Variants in FOXD4L3 observed in about 807,000 individuals in gnomAD.
The protein encoded by FOXD4L3 is forkhead box D4 like 3, also known as forkhead box protein D4-like 3.
For missense variants in FOXD4L3, 44 were observed against 545.5 expected, an observed-to-expected ratio of 0.08 and a Z score of 9.16; for synonymous variants, 26 against 242.4, an observed-to-expected ratio of 0.11 and a Z score of 8.29.
At position 68,304,025 on chromosome 9, in the gene FOXD4L3, C is replaced by T. The variant is rs1554670945; in HGVS notation, c.1074C>T (p.Asp358=). The T allele has an allele frequency of 3.1e-6, 5 of 1,611,898 alleles. No homozygotes were observed. Among genetic ancestry groups the T allele is most frequent in the East Asian group, 2.2e-5 (1 of 44,872 alleles). The change falls in exon 1 of 1, where the codon GAC becomes GAT. Residue 358 remains aspartate (D), a synonymous_variant. Coordinates refer to ENST00000342833, the MANE Select transcript of FOXD4L3 (RefSeq NM_199135.4). ...PRGATATCSS[D]HQACCIPRPL... ...GAGCTACTGCCACCTGCTCCAGCGA[C>T]CATCAAGCCTGTTGCATCCCCAGAC...
rs1428228503 is a variant in FOXD4L3 at position 68,304,211 on chromosome 9, C to G, written c.*6C>G. 2 of 1,537,466 alleles carry G rather than the reference C, an allele frequency of 1.3e-6. No homozygotes were observed. Among genetic ancestry groups the G allele is most frequent in the Non-Finnish European group, 1.8e-6 (2 of 1,136,342 alleles). ...GGCCTCGTCGGCCCTGCTGAGGTAT[C>G]AGGCAGTGGCAGAGGGCTCTAGGCT... On this transcript the variant is annotated 3_prime_UTR_variant, in exon 1 of 1. Coordinates refer to ENST00000342833, the MANE Select transcript of FOXD4L3 (RefSeq NM_199135.4).
rs578080489 is a variant in FOXD4L3, at chr9:68,304,481, G to A, written c.*276G>A. 3.6e-4 allele frequency: 233 copies of A among 651,514 alleles called. No individual in the cohort carries two copies. The South Asian group carries it at 4.2e-3, about 12-fold the overall frequency. The allele number at this position is 651,514 out of a possible 1,614,324, so 40.4% of individuals were successfully genotyped here. A position where few individuals can be genotyped will look rare whatever the true frequency, so the allele number is the denominator to read the frequency against. ...GGTTAGAAAGAAACAGCTGGATTAC[G>A]TTCCTCTAAAAACCACCTGAACGTA... On this transcript the variant is annotated 3_prime_UTR_variant, in exon 1 of 1. Transcript: ENST00000342833.
rs1400797334 is a variant in FOXD4L3 at position 68,304,487 on chromosome 9, C to G, written c.*282C>G. 14 of 639,486 alleles carry G rather than the reference C, an allele frequency of 2.2e-5. No individual in the cohort carries two copies. The highest frequency in any genetic ancestry group is 3.7e-5 in the Non-Finnish European group (13 of 351,194). 39.6% of individuals were successfully genotyped at this position (639,486 alleles called of 1,614,324 possible). The stretch of plus-strand genomic sequence containing the variant: ...AAAGAAACAGCTGGATTACGTTCCT[C>G]TAAAAACCACCTGAACGTAACCTTC... On this transcript the variant is annotated 3_prime_UTR_variant, in exon 1 of 1. Coordinates refer to ENST00000342833, the MANE Select transcript of FOXD4L3 (RefSeq NM_199135.4).
chr9:68,302,932 A>G lies in FOXD4L3; in HGVS notation c.-20A>G. On this transcript the variant is annotated 5_prime_UTR_variant, in exon 1 of 1. Transcript: ENST00000342833. ...GTGATCGGCCGCCACATCCCCTGCG[A>G]CTGAAGCACCTGCTCCTCCATGAAC... 6.2e-7 allele frequency: 1 copy of G among 1,612,104 alleles called. No homozygotes were observed. The highest frequency in any genetic ancestry group is 1.1e-5 in the South Asian group (1 of 90,994).
In FOXD4L3 at chr9:68,304,422, G is replaced by C. The variant is rs1833721240; in HGVS notation, c.*217G>C. 3 of 1,449,788 alleles carry C rather than the reference G, an allele frequency of 2.1e-6. No individual in the cohort carries two copies. In the South Asian group the frequency reaches 4.1e-5, roughly 20 times the overall value. The allele number at this position is 1,449,788 out of a possible 1,614,324, so 89.8% of individuals were successfully genotyped here. A position where few individuals can be genotyped will look rare whatever the true frequency, so the allele number is the denominator to read the frequency against. On this transcript the variant is annotated 3_prime_UTR_variant, in exon 1 of 1. Transcript: ENST00000342833. ...GGGCGTGTGCATCTGAATCCCGCTG[G>C]AGAGCAAACACGAACTTCTGTTCGC...
chr9:68,304,203 T>C lies in FOXD4L3; in HGVS notation c.1252T>C (p.Ter418ArgextTer11), dbSNP rs1371504201. ...CACCTGTCGGCCTCGTCGGCCCTGC[T>C]GAGGTATCAGGCAGTGGCAGAGGGC... ...AGTCRPRRPC[*>R] The change falls in exon 1 of 1, where the codon TGA becomes CGA. Residue 418 changes from the stop codon to arginine (R), a stop_lost. Transcript: ENST00000342833. 6.4e-7 allele frequency: 1 copy of C among 1,551,574 alleles called. No individual in the cohort carries two copies. Among genetic ancestry groups the C allele is most frequent in the Non-Finnish European group, 8.7e-7 (1 of 1,144,318 alleles).
chr9:68,303,947 G>C lies in FOXD4L3; in HGVS notation c.996G>C (p.Lys332Asn). Residue 332 changes from lysine (K) to asparagine (N), a missense_variant, in exon 1 of 1, where the codon AAG becomes AAC. Coordinates refer to ENST00000342833, the MANE Select transcript of FOXD4L3 (RefSeq NM_199135.4). ...ASLSALRVLC[K>N]GSGERVQGLR... ...TTTCAGCATTGAGAGTATTATGCAA[G>C]GGGTCAGGGGAGCGGGTACAGGGGC... 2.5e-6 allele frequency: 4 copies of C among 1,611,788 alleles called. No homozygotes were observed. The highest frequency in any genetic ancestry group is 2.5e-6 in the Non-Finnish European group (3 of 1,179,808).
chr9:68,304,145 T>G lies in FOXD4L3; in HGVS notation c.1194T>G (p.Ala398=). The G allele has an allele frequency of 6.2e-7, 1 of 1,602,562 alleles. No homozygotes were observed. Reference sequence around the variant, plus strand: ...TCAGGAGGAGGACTGCGCCAACGGCTGCGCTCCCACCAAGGGCGCGGTGCT... The same window carrying G: ...TCAGGAGGAGGACTGCGCCAACGGCGGCGCTCCCACCAAGGGCGCGGTGCT... ...SSIRRRTAPT[A]ALPPRARCWA... The change falls in exon 1 of 1, where the codon GCT becomes GCG. Residue 398 remains alanine, a synonymous_variant. Coordinates refer to ENST00000342833, the MANE Select transcript of FOXD4L3 (RefSeq NM_199135.4).
In FOXD4L3 at chr9:68,304,420, T is replaced by C. The variant is rs1353757725; in HGVS notation, c.*215T>C. 50 of 1,463,192 alleles carry C rather than the reference T, an allele frequency of 3.4e-5. No homozygotes were observed. The highest frequency in any genetic ancestry group is 4.6e-5 in the Non-Finnish European group (50 of 1,088,438). The allele number at this position is 1,463,192 out of a possible 1,614,324, so 90.6% of individuals were successfully genotyped here. On this transcript the variant is annotated 3_prime_UTR_variant, in exon 1 of 1. Transcript: ENST00000342833. ...CTGGGCGTGTGCATCTGAATCCCGC[T>C]GGAGAGCAAACACGAACTTCTGTTC...
In FOXD4L3 at chr9:68,304,921, AT is replaced by A. The variant is rs1457132214; in HGVS notation, c.*718del. 2 of 168,266 alleles carry A rather than the reference AT, an allele frequency of 1.2e-5. No individual in the cohort carries two copies. The highest frequency in any genetic ancestry group is 2.1e-4 in the South Asian group (1 of 4,872). 10.4% of individuals were successfully genotyped at this position (168,266 alleles called of 1,614,324 possible). A position where few individuals can be genotyped will look rare whatever the true frequency, so the allele number is the denominator to read the frequency against. Reference sequence around the variant, plus strand: ...CACTACACTACATCGTTTATTTTCTATTACATCTCATTCTTCCCTTTCTAAA... The same window carrying A: ...CACTACACTACATCGTTTATTTTCTATACATCTCATTCTTCCCTTTCTAAA... On this transcript the variant is annotated 3_prime_UTR_variant, in exon 1 of 1. Coordinates refer to ENST00000342833, the MANE Select transcript of FOXD4L3 (RefSeq NM_199135.4).
In FOXD4L3 at chr9:68,304,413, A is replaced by T. The variant is rs1833720948; in HGVS notation, c.*208A>T. The T allele has an allele frequency of 6.7e-6, 10 of 1,482,974 alleles. No homozygotes were observed. Among genetic ancestry groups the T allele is most frequent in the Non-Finnish European group, 9.0e-6 (10 of 1,106,120 alleles). The allele number at this position is 1,482,974 out of a possible 1,614,324, so 91.9% of individuals were successfully genotyped here. On this transcript the variant is annotated 3_prime_UTR_variant, in exon 1 of 1. Transcript: ENST00000342833. ...GCCCATACTGGGCGTGTGCATCTGA[A>T]TCCCGCTGGAGAGCAAACACGAACT... is the stretch of plus-strand genomic sequence containing the variant.
In FOXD4L3 at chr9:68,304,360, C is replaced by T. The variant is rs370692831; in HGVS notation, c.*155C>T. 3.5e-6 allele frequency: 5 copies of T among 1,421,950 alleles called. No individual in the cohort carries two copies. The Admixed American group carries it at 9.7e-5, about 27-fold the overall frequency. 88.1% of individuals were successfully genotyped at this position (1,421,950 alleles called of 1,614,324 possible). A position where few individuals can be genotyped will look rare whatever the true frequency, so the allele number is the denominator to read the frequency against. On this transcript the variant is annotated 3_prime_UTR_variant, in exon 1 of 1. Coordinates refer to ENST00000342833, the MANE Select transcript of FOXD4L3 (RefSeq NM_199135.4). ...AGAGCCAGGTGGGAGTGGGGAGCGA[C>T]CCGCAGCTGCTCACTCCACCTTGCG...
chr9:68,303,929 A>G lies in FOXD4L3; in HGVS notation c.978A>G (p.Ala326=). The G allele has an allele frequency of 3.7e-6, 6 of 1,611,134 alleles. No individual in the cohort carries two copies. The highest frequency in any genetic ancestry group is 3.4e-6 in the Non-Finnish European group (4 of 1,179,644). ...GGGAGGCGGATGCATCTCTTTCAGC[A>G]TTGAGAGTATTATGCAAGGGGTCAG... ...RHREADASLS[A]LRVLCKGSGE... The change falls in exon 1 of 1, where the codon GCA becomes GCG. Residue 326 remains alanine (A), a synonymous_variant. Coordinates refer to ENST00000342833, the MANE Select transcript of FOXD4L3 (RefSeq NM_199135.4).
rs200584126 is a variant in FOXD4L3 at position 68,304,384 on chromosome 9, C to G, written c.*179C>G. ...ACCCGCAGCTGCTCACTCCACCTTG[C>G]GCGGCCCATACTGGGCGTGTGCATC... On this transcript the variant is annotated 3_prime_UTR_variant, in exon 1 of 1. Transcript: ENST00000342833. 2.9e-3 allele frequency: 4,370 copies of G among 1,522,192 alleles called. No homozygotes were observed. Among genetic ancestry groups the G allele is most frequent in the Non-Finnish European group, 3.5e-3 (3,924 of 1,137,092 alleles). The allele number at this position is 1,522,192 out of a possible 1,614,324, so 94.3% of individuals were successfully genotyped here. A position where few individuals can be genotyped will look rare whatever the true frequency, so the allele number is the denominator to read the frequency against.
At position 68,304,029 on chromosome 9, in the gene FOXD4L3, C is replaced by A. The variant is rs1833710379; in HGVS notation, c.1078C>A (p.Gln360Lys). 2.5e-6 allele frequency: 4 copies of A among 1,611,928 alleles called. No individual in the cohort carries two copies. Among genetic ancestry groups the A allele is most frequent in the Non-Finnish European group, 3.4e-6 (4 of 1,179,834 alleles). Residue 360 changes from glutamine (Q) to lysine (K), a missense_variant, in exon 1 of 1, where the codon CAA becomes AAA. Physicochemically the swap from Gln to Lys is moderately conservative, Grantham distance 53 (BLOSUM62 1). Transcript: ENST00000342833. ...TACTGCCACCTGCTCCAGCGACCAT[C>A]AAGCCTGTTGCATCCCCAGACCGCT... is the stretch of plus-strand genomic sequence containing the variant. ...GATATCSSDH[Q>K]ACCIPRPLPL...
At position 68,303,532 on chromosome 9, in the gene FOXD4L3, A is replaced by T; in HGVS notation, c.581A>T (p.Asn194Ile). The T allele has an allele frequency of 6.4e-7, 1 of 1,570,268 alleles. No homozygotes were observed. The highest frequency in any genetic ancestry group is 8.6e-7 in the Non-Finnish European group (1 of 1,168,374). Residue 194 changes from asparagine to isoleucine, a missense_variant, in exon 1 of 1, where the codon AAT (asparagine) becomes ATT (isoleucine). Transcript: ENST00000342833. ...LDPASQDMFD[N>I]GSFLRRRKRF... ...CCCGCCTCCCAAGACATGTTCGACA[A>T]TGGCAGCTTTCTCCGGCGTAGGAAG...
chr9:68,304,127 G>A lies in FOXD4L3; in HGVS notation c.1176G>A (p.Arg392=). 6.2e-7 allele frequency: 1 copy of A among 1,608,908 alleles called. No homozygotes were observed. The highest frequency in any genetic ancestry group is 1.1e-5 in the South Asian group (1 of 90,836). The change falls in exon 1 of 1, where the codon AGG becomes AGA. Residue 392 remains arginine, a synonymous_variant. Coordinates refer to ENST00000342833, the MANE Select transcript of FOXD4L3 (RefSeq NM_199135.4). ...QFCSNSSSIR[R]RTAPTAALPP... ...GCAGCAATAGCAGCAGCATCAGGAG[G>A]AGGACTGCGCCAACGGCTGCGCTCC...
Position 68,304,049 on chromosome 9 carries a change from A to T in FOXD4L3, c.1098A>T (p.Arg366Ser). ...SSDHQACCIPRPLPLCCKCPP... is the reference protein window; with the variant it reads ...SSDHQACCIPSPLPLCCKCPP... ...ACCATCAAGCCTGTTGCATCCCCAGACCGCTGCCCCTTTGCTGCAAGTGTC... is the reference window on the plus strand; with the variant it reads ...ACCATCAAGCCTGTTGCATCCCCAGTCCGCTGCCCCTTTGCTGCAAGTGTC... Residue 366 changes from arginine (R) to serine (S), a missense_variant, in exon 1 of 1, where the codon AGA becomes AGT. Transcript: ENST00000342833. 1 of 1,611,492 alleles carries T rather than the reference A, an allele frequency of 6.2e-7. No homozygotes were observed. Among genetic ancestry groups the T allele is most frequent in the African/African-American group, 1.3e-5 (1 of 74,886 alleles).
chr9:68,304,368 T>G lies in FOXD4L3; in HGVS notation c.*163T>G, dbSNP rs1165882734. On this transcript the variant is annotated 3_prime_UTR_variant, in exon 1 of 1. Coordinates refer to ENST00000342833, the MANE Select transcript of FOXD4L3 (RefSeq NM_199135.4). ...GTGGGAGTGGGGAGCGACCCGCAGCTGCTCACTCCACCTTGCGCGGCCCAT... is the reference window on the plus strand; with the variant it reads ...GTGGGAGTGGGGAGCGACCCGCAGCGGCTCACTCCACCTTGCGCGGCCCAT... 9 of 1,524,262 alleles carry G rather than the reference T, an allele frequency of 5.9e-6. No homozygotes were observed. The highest frequency in any genetic ancestry group is 7.9e-6 in the Non-Finnish European group (9 of 1,137,984). 94.4% of individuals were successfully genotyped at this position (1,524,262 alleles called of 1,614,324 possible).
Sources: allele counts gnomAD v4.1 joint callset, GRCh38; gene constraint gnomAD v4.1.1; transcripts MANE v1.5; gene names NCBI Gene and HGNC (gene_info 2026-07-23, HGNC 2026-07-21).